The following LPP variants were observed in gnomAD, a reference collection of about 807,000 sequenced individuals.
LPP encodes LIM domain containing preferred translocation partner in lipoma, also known as lipoma-preferred partner.
LPP carries 38 observed loss-of-function variants against 60.4 expected under a neutral mutation model. The observed-to-expected ratio is 0.63, with a 90% CI of 0.49 to 0.83. The LOEUF (loss-of-function observed/expected upper bound fraction) is 0.83, where lower values mean the gene tolerates loss of function less well. Among genes scored for constraint, LPP ranks in the 40% least tolerant of loss-of-function variants. LPP has a pLI of 0.00. For missense variants in LPP, 902 were observed against 783.6 expected, an observed-to-expected ratio of 1.15 and a Z score of -1.80; for synonymous variants, 328 against 290.8, an observed-to-expected ratio of 1.13 and a Z score of -1.30.
intron 3 of LPP, among the ~76,000 whole-genome samples, chr3:188,373,158 T>A (rs968435337): frequency 2.6e-5 from 4 of 152,158 alleles, no homozygotes; most frequent in Non-Finnish European, 2.9e-5. Context: ...ATAGTGCCGC[T>A]ATAAACATAC....
chr3:188,313,802 T>C (rs1754240932), intron 2 of LPP, among the ~76,000 whole-genome samples: 1 of 152,220 alleles, frequency 6.6e-6, no homozygotes, highest in Admixed American at 6.5e-5. Context: ...TTCTTTGATG[T>C]TCCCAGGAGC....
At chr3:188,616,993 A>G (rs1844968397) in intron 7 of LPP, among the ~76,000 whole-genome samples, 1 of 152,190 alleles carries the variant, frequency 6.6e-6, no homozygotes, top group Non-Finnish European at 1.5e-5. Context: ...CTTCTTAGGC[A>G]ATTCTACCTG....
At chr3:188,554,401 A>G (rs937701452) in intron 6 of LPP, among the ~76,000 whole-genome samples, 14 of 152,206 alleles carry the variant, frequency 9.2e-5, no homozygotes, top group Non-Finnish European at 1.8e-4. Flanking sequence ...CCCCAAAAGA[A>G]TATTTTTGAA....
chr3:188,321,127 C>T (rs1330335385), intron 2 of LPP, among the ~76,000 whole-genome samples: 1 of 152,164 alleles, frequency 6.6e-6, no homozygotes, highest in Non-Finnish European at 1.5e-5. Context: ...ACTGGGTCTG[C>T]CTGTGGGAGT....
At chr3:188,834,426 T>G (rs1055462988) in intron 9 of LPP, among the ~76,000 whole-genome samples, 6 of 141,914 alleles carry the variant, frequency 4.2e-5, no homozygotes, top group African/African-American at 1.5e-4. Context: ...TAGTGTGAAC[T>G]CTCTGAGCCT....
At chr3:188,260,043 T>A (rs1013793247) in intron 2 of LPP, among the ~76,000 whole-genome samples, 1 of 151,896 alleles carries the variant, frequency 6.6e-6, no homozygotes, top group African/African-American at 2.4e-5. Flanking sequence ...ATTCTTATTT[T>A]ATTTATTTAT....
chr3:188,836,055 A>T (rs562115020), intron 9 of LPP, among the ~76,000 whole-genome samples: 12 of 152,336 alleles, frequency 7.9e-5, no homozygotes, highest in African/African-American at 2.9e-4. Context: ...TATTTCAGAT[A>T]AATTTTATAT....
In LPP at chr3:188,877,663, TAG is replaced by T. The variant is rs1769405977; in HGVS notation, c.*3185_*3186del. ...GAGTTTGACACCAGCCTGGGCAACA[TAG>T]TGAGACCTTGTCTCTACAAAAAATA... On this transcript the variant is annotated 3_prime_UTR_variant, in exon 12 of 12. Coordinates refer to ENST00000617246, the MANE Select transcript of LPP (RefSeq NM_001375462.1). 5.3e-6 allele frequency: 1 copy of T among 187,510 alleles called. No homozygotes were observed. Among genetic ancestry groups the T allele is most frequent in the Non-Finnish European group, 1.1e-5 (1 of 88,932 alleles). 11.6% of individuals were successfully genotyped at this position (187,510 alleles called of 1,614,324 possible). A position where few individuals can be genotyped will look rare whatever the true frequency, so the allele number is the denominator to read the frequency against.
intron 7 of LPP, among the ~76,000 whole-genome samples, chr3:188,697,292 G>A (rs1863463335): frequency 1.3e-5 from 2 of 152,166 alleles, no homozygotes; most frequent in East Asian, 3.8e-4. Flanking sequence ...GAAAGATGGG[G>A]AGTTAACCAT....
chr3:188,320,083 C>G (rs796188979), intron 2 of LPP, among the ~76,000 whole-genome samples: 1 of 152,178 alleles, frequency 6.6e-6, no homozygotes, highest in Non-Finnish European at 1.5e-5. Flanking sequence ...AGGTGAAGTA[C>G]GCTTCTCATT....
intron 2 of LPP, among the ~76,000 whole-genome samples, chr3:188,295,702 C>G (rs531980887): frequency 2.0e-5 from 3 of 152,208 alleles, no homozygotes; most frequent in African/African-American, 7.2e-5. Context: ...CTGTGCCCAC[C>G]TACAAAATTT....
intron 4 of LPP, among the ~76,000 whole-genome samples, chr3:188,421,598 T>C (rs1787819218): frequency 6.6e-6 from 1 of 152,218 alleles, no homozygotes; most frequent in South Asian, 2.1e-4. Context: ...CTGGGTTATA[T>C]AATGATAGTA....
At chr3:188,720,392 G>C (rs1044781323) in intron 8 of LPP, among the ~76,000 whole-genome samples, 6 of 152,124 alleles carry the variant, frequency 3.9e-5, no homozygotes, top group African/African-American at 1.4e-4. Context: ...TTTCACAACT[G>C]GCAGTGGAAA....
chr3:188,181,768 CT>C (rs1369236594), intron 1 of LPP, among the ~76,000 whole-genome samples: 2 of 152,256 alleles, frequency 1.3e-5, no homozygotes, highest in Admixed American at 1.3e-4. Context: ...GTTGCTCAGG[CT>C]GGAGCACAGT....
rs565683866 is a variant in LPP, at chr3:188,252,404, G to A, written c.-67+26877G>A. Among the ~76,000 whole-genome samples the A allele has an allele frequency of 8.5e-5, 12 of 141,260 alleles. No homozygotes were observed. In the East Asian group the frequency reaches 2.5e-3, roughly 30 times the overall value. 92.7% of individuals were successfully genotyped at this position (141,260 alleles called of 152,430 possible). A position where few individuals can be genotyped will look rare whatever the true frequency, so the allele number is the denominator to read the frequency against. On this transcript the variant is annotated intron_variant, in intron 2 of 11. Transcript: ENST00000617246. ...CCTGCTCAACCAATTTCCTATGCTT[G>A]GACAGTTGGATAGTTTTCTGCAATG...
intron 1 of LPP, among the ~76,000 whole-genome samples, chr3:188,195,943 T>C (rs1729413759): frequency 6.6e-6 from 1 of 152,210 alleles, no homozygotes; most frequent in Non-Finnish European, 1.5e-5. Context: ...TTTACTCCTC[T>C]GCCTTTATAT....
intron 5 of LPP, among the ~76,000 whole-genome samples, chr3:188,488,821 T>G (rs997704911): frequency 1.3e-5 from 2 of 151,940 alleles, no homozygotes; most frequent in African/African-American, 4.8e-5. Flanking sequence ...GTATTTTCGG[T>G]AGAGATGGGG....
At chr3:188,685,591 C>T (rs1206188184) in intron 7 of LPP, among the ~76,000 whole-genome samples, 1 of 152,176 alleles carries the variant, frequency 6.6e-6, no homozygotes, top group Non-Finnish European at 1.5e-5. Context: ...GCAAGAATGC[C>T]TTCCATCCAC....
chr3:188,302,020 C>T (rs1750053010), intron 2 of LPP, among the ~76,000 whole-genome samples: 1 of 151,710 alleles, frequency 6.6e-6, no homozygotes, highest in South Asian at 2.1e-4. Flanking sequence ...GTAACATTCT[C>T]AGGGAGTTTA....
Sources: gnomAD v4.1 joint callset for allele counts (sites outside exome capture counted in the v4.1 genomes callset) on GRCh38, gnomAD v4.1.1 for gene constraint, MANE v1.5 for transcripts, NCBI Gene and HGNC (gene_info 2026-07-23, HGNC 2026-07-21) for gene names.